Variants in ST8SIA1 observed in about 807,000 individuals in gnomAD.
The protein encoded by ST8SIA1 is alpha-N-acetylneuraminide alpha-2,8-sialyltransferase.
ST8SIA1 carries 16 observed loss-of-function variants against 35.9 expected under a neutral mutation model. The ratio of observed to expected loss-of-function variants is 0.45; its 90% CI spans 0.30 to 0.68. The LOEUF (loss-of-function observed/expected upper bound fraction) is 0.68. Ranked by LOEUF, ST8SIA1 falls within the 30% of genes least tolerant of loss-of-function variation. ST8SIA1 has a pLI of 0.09. For missense variants in ST8SIA1, 383 were observed against 453.6 expected (o/e 0.84, Z 1.41); for synonymous variants, 170 against 169.6 (o/e 1.00, Z -0.02).
intron 4 of ST8SIA1, among the ~76,000 whole-genome samples, chr12:22,222,748 C>A (rs1206626318): frequency 6.6e-6 from 1 of 151,888 alleles, no homozygotes; most frequent in Non-Finnish European, 1.5e-5. Context: ...AGTTTCTTTA[C>A]ATTTTAATAT....
At chr12:22,319,870 C>A (rs1337359379) in intron 1 of ST8SIA1, among the ~76,000 whole-genome samples, 1 of 152,024 alleles carries the variant, frequency 6.6e-6, no homozygotes, top group Non-Finnish European at 1.5e-5. Context: ...GCTTCCTAAG[C>A]AAGAAGAAAA....
chr12:22,320,259 T>C (rs1459623604), intron 1 of ST8SIA1, among the ~76,000 whole-genome samples: 3 of 152,206 alleles, frequency 2.0e-5, no homozygotes, highest in Non-Finnish European at 4.4e-5. Context: ...GGAATAAGTA[T>C]AACAAAGTGT....
intron 4 of ST8SIA1, among the ~76,000 whole-genome samples, chr12:22,205,099 C>T (rs1865091455): frequency 6.6e-6 from 1 of 152,118 alleles, no homozygotes; most frequent in South Asian, 2.1e-4. Context: ...TCAACTTAAG[C>T]TTTCCTTTAT....
intron 4 of ST8SIA1, among the ~76,000 whole-genome samples, chr12:22,210,894 C>T (rs201714612): frequency 7.2e-5 from 11 of 152,260 alleles, no homozygotes; most frequent in East Asian, 1.9e-4. Flanking sequence ...GGTGGCCAAC[C>T]GTTCCAGCTG....
intron 2 of ST8SIA1, among the ~76,000 whole-genome samples, chr12:22,262,795 T>A (rs2135801231): frequency 1.3e-5 from 2 of 152,338 alleles, no homozygotes; most frequent in Middle Eastern, 6.8e-3. Flanking sequence ...TTGAGGCATG[T>A]CTACAATTTT....
chr12:22,242,623 C>T (rs1008858523), intron 4 of ST8SIA1, among the ~76,000 whole-genome samples: 1 of 152,016 alleles, frequency 6.6e-6, no homozygotes, highest in Non-Finnish European at 1.5e-5. Flanking sequence ...CACAATATAG[C>T]CATGTAACAA....
intron 4 of ST8SIA1, among the ~76,000 whole-genome samples, chr12:22,211,441 T>C (rs1335529628): frequency 3.9e-5 from 6 of 152,192 alleles, no homozygotes; most frequent in Admixed American, 3.9e-4. Context: ...CTGTCAACCA[T>C]GATTGCATGC....
intron 4 of ST8SIA1, among the ~76,000 whole-genome samples, chr12:22,213,226 T>C (rs369446871): frequency 2.6e-5 from 4 of 152,130 alleles, no homozygotes; most frequent in African/African-American, 9.7e-5. Context: ...AGCCTCTCAG[T>C]TCTCAAGGAA....
rs148577808 is a variant in ST8SIA1 at position 22,283,473 on chromosome 12, C to G, written c.381+3676G>C. ...CAGTTCCTGGCTAAGCAGGAAAGAG[C>G]TGGTCCCAACCCAGGGGATTGGGAG... is the stretch of plus-strand genomic sequence containing the variant. On this transcript the variant is annotated intron_variant, in intron 2 of 4. Coordinates refer to ENST00000396037, the MANE Select transcript of ST8SIA1 (RefSeq NM_003034.4). 5.8e-4 allele frequency among the ~76,000 whole-genome samples: 88 copies of G among 152,220 alleles called. 1 individual carries two copies. The East Asian group carries it at 0.016, about 28-fold the overall frequency.
chr12:22,286,498 A>C (rs776445673), intron 2 of ST8SIA1: 3 of 518,886 alleles, frequency 5.8e-6, no homozygotes, highest in Non-Finnish European at 1.2e-5. Flanking sequence ...ATTTTGCCTA[A>C]GATCTCCCCT....
intron 2 of ST8SIA1, 77 bp downstream of exon 2, chr12:22,287,072 G>A (rs931002594): frequency 1.4e-6 from 2 of 1,385,266 alleles, no homozygotes; most frequent in South Asian, 1.5e-5. Flanking sequence ...GATGAGTAAG[G>A]CAAACTCAAT....
intron 2 of ST8SIA1, among the ~76,000 whole-genome samples, chr12:22,266,848 TACACACACACACACACAC>T (rs145606826): frequency 6.9e-6 from 1 of 144,946 alleles, no homozygotes; most frequent in South Asian, 2.2e-4. Context: ...CACAAAAGTA[TACACACACACACACACAC>T]ACACACACAC....
chr12:22,263,572 G>C (rs2135801657), intron 2 of ST8SIA1, among the ~76,000 whole-genome samples: 1 of 152,304 alleles, frequency 6.6e-6, no homozygotes, highest in Non-Finnish European at 1.5e-5. Context: ...AGCTAAAAGA[G>C]TGATGCTTAC....
intron 4 of ST8SIA1, among the ~76,000 whole-genome samples, chr12:22,219,410 C>T (rs887377717): frequency 2.6e-5 from 4 of 152,250 alleles, no homozygotes; most frequent in Non-Finnish European, 5.9e-5. Flanking sequence ...GGATCCTTCT[C>T]TTGGGATGCA....
intron 4 of ST8SIA1, among the ~76,000 whole-genome samples, chr12:22,202,982 G>A (rs1016064249): frequency 2.6e-5 from 4 of 152,136 alleles, no homozygotes; most frequent in African/African-American, 7.2e-5. Context: ...GGCATTCTTC[G>A]AAAAACGTCT....
chr12:22,328,813 C>T (rs984923726), intron 1 of ST8SIA1, among the ~76,000 whole-genome samples: 10 of 152,196 alleles, frequency 6.6e-5, no homozygotes, highest in African/African-American at 2.4e-4. Context: ...ATTATCTAAT[C>T]TAATTCTTAC....
At chr12:22,243,813 C>T (rs1395174574) in intron 4 of ST8SIA1, among the ~76,000 whole-genome samples, 1 of 152,128 alleles carries the variant, frequency 6.6e-6, no homozygotes, top group Admixed American at 6.5e-5. Context: ...AGGTGGATCA[C>T]CTGAGGTCAG....
chr12:22,212,255 T>C (rs1433833901), intron 4 of ST8SIA1, among the ~76,000 whole-genome samples: 2 of 152,218 alleles, frequency 1.3e-5, no homozygotes, highest in African/African-American at 4.8e-5. Flanking sequence ...ACACTTCCTT[T>C]ATTTACTTCT....
chr12:22,260,641 T>G (rs906898264), intron 2 of ST8SIA1, among the ~76,000 whole-genome samples: 8 of 152,130 alleles, frequency 5.3e-5, no homozygotes, highest in African/African-American at 1.4e-4. Flanking sequence ...CAAGGCATGA[T>G]AAAAAACCAT....
Sources: allele counts gnomAD v4.1 joint callset (sites outside exome capture counted in the v4.1 genomes callset), GRCh38; gene constraint gnomAD v4.1.1; transcripts MANE v1.5; gene names NCBI Gene and HGNC (gene_info 2026-07-23, HGNC 2026-07-21).